Variants in ACOT11 observed in about 807,000 individuals in gnomAD.
ACOT11 encodes acyl-CoA thioesterase 11.
A neutral mutation model predicts 77.5 loss-of-function variants in ACOT11; 69 were observed. The observed-to-expected ratio is 0.89, with a 90% CI of 0.73 to 1.09. ACOT11 has a LOEUF of 1.09. Among genes scored for constraint, ACOT11 ranks in the 50% least tolerant of loss-of-function variants. ACOT11 has a pLI of 0.00. For missense variants in ACOT11, 766 were observed against 813.7 expected (o/e 0.94, Z 0.71); for synonymous variants, 279 against 313.0 (o/e 0.89, Z 1.15).
intron 1 of ACOT11, among the ~76,000 whole-genome samples, chr1:54,563,998 G>A (rs577959585): frequency 4.6e-4 from 70 of 151,840 alleles, no homozygotes; most frequent in African/African-American, 1.5e-3. Flanking sequence ...CCCAGAAGGC[G>A]GAGGTTGCAG....
chr1:54,606,658 G>A (rs1644029707), intron 13 of ACOT11, among the ~76,000 whole-genome samples: 1 of 152,226 alleles, frequency 6.6e-6, no homozygotes, highest in Non-Finnish European at 1.5e-5. Context: ...GCATGGGGCT[G>A]TTATGGAGAT....
chr1:54,615,567 G>A (rs550060628), intron 15 of ACOT11, among the ~76,000 whole-genome samples: 96 of 152,216 alleles, frequency 6.3e-4, no homozygotes, highest in Admixed American at 1.2e-3. Context: ...GACTAGATGG[G>A]GGCAGGGTTA....
Position 54,585,694 on chromosome 1 carries a change from A to T in ACOT11, c.242-141A>T, listed in dbSNP as rs960242230. The T allele has an allele frequency of 1.8e-5, 13 of 726,434 alleles. No individual in the cohort carries two copies. The Admixed American group carries it at 2.0e-4, about 11-fold the overall frequency. The allele number at this position is 726,434 out of a possible 1,614,324, so 45.0% of individuals were successfully genotyped here. ...GGTGGTGCCCACGGTGAGGGGTGTA[A>T]GGAATGGTGGCAGCAGGGTGTGGTG... On this transcript the variant is annotated intron_variant, in intron 2 of 15. Transcript: ENST00000343744.
intron 6 of ACOT11, among the ~76,000 whole-genome samples, chr1:54,596,953 A>G (rs527689255): frequency 3.9e-5 from 6 of 152,322 alleles, no homozygotes; most frequent in South Asian, 4.2e-4. Flanking sequence ...GCCTGCCTTT[A>G]CAGATGAGGC....
intron 1 of ACOT11, among the ~76,000 whole-genome samples, chr1:54,577,301 C>A (rs926079130): frequency 3.9e-5 from 6 of 152,160 alleles, no homozygotes; most frequent in African/African-American, 1.2e-4. Context: ...TAGTTTTTCC[C>A]CATTCCCTCT....
intron 1 of ACOT11, among the ~76,000 whole-genome samples, chr1:54,579,141 C>T (rs1654213214): frequency 6.6e-6 from 1 of 152,198 alleles, no homozygotes; most frequent in Non-Finnish European, 1.5e-5. Flanking sequence ...GAGGAACAGC[C>T]TCCTGGTATC....
chr1:54,593,037 A>G (rs1654767512), intron 4 of ACOT11, among the ~76,000 whole-genome samples: 1 of 152,174 alleles, frequency 6.6e-6, no homozygotes, highest in African/African-American at 2.4e-5. Flanking sequence ...CCTCATCTGC[A>G]AAAGGGAACA....
chr1:54,593,900 ATGT>A (rs1654802445), intron 4 of ACOT11, 38 bp from the exon 5 acceptor site: 1 of 1,564,836 alleles, frequency 6.4e-7, no homozygotes, highest in East Asian at 2.2e-5. Flanking sequence ...GGTGAGTGCA[ATGT>A]TGTTCCTCAT....
intron 1 of ACOT11, among the ~76,000 whole-genome samples, chr1:54,554,408 G>C (rs192052857): frequency 1.4e-5 from 2 of 142,038 alleles, no homozygotes; most frequent in Non-Finnish European, 3.0e-5. Context: ...CTGGAATACA[G>C]TGGTGCAATT....
intron 3 of ACOT11, among the ~76,000 whole-genome samples, chr1:54,588,824 G>A (rs1654597270): frequency 6.6e-6 from 1 of 152,130 alleles, no homozygotes; most frequent in African/African-American, 2.4e-5. Flanking sequence ...GGGCAGAGGA[G>A]GCTGTGGTTG....
intron 13 of ACOT11, among the ~76,000 whole-genome samples, chr1:54,606,392 G>T (rs1303956690): frequency 6.6e-6 from 1 of 152,224 alleles, no homozygotes; most frequent in Non-Finnish European, 1.5e-5. Context: ...GCTGAGTGCA[G>T]GCAGGGGAGT....
rs558626066 is a variant in ACOT11, at chr1:54,607,066, G to A, written c.1371-68G>A. 372 of 1,601,082 alleles carry A rather than the reference G, an allele frequency of 2.3e-4. 3 individuals are homozygous for A. The African/African-American group carries it at 3.6e-3, about 15-fold the overall frequency. On this transcript the variant is annotated intron_variant, in intron 13 of 15. Coordinates refer to ENST00000343744, the MANE Select transcript of ACOT11 (RefSeq NM_147161.4). The surrounding 1 kb of genome is among the most constrained non-coding windows in gnomAD (Gnocchi z 4.5). ...CAGGCACTGCAGTGTGGCAGGGCCC[G>A]GGCAGACCCGCTGCTTGCATGGGAG...
intron 15 of ACOT11, among the ~76,000 whole-genome samples, chr1:54,617,292 C>T (rs565565315): frequency 6.6e-6 from 1 of 152,160 alleles, no homozygotes; most frequent in African/African-American, 2.4e-5. Context: ...CCGCTTTTGG[C>T]CCTTGCAGCA....
At chr1:54,583,546 C>G (rs917956291) in intron 1 of ACOT11, among the ~76,000 whole-genome samples, 17 of 152,244 alleles carry the variant, frequency 1.1e-4, no homozygotes, top group African/African-American at 4.1e-4. Context: ...CCCCAGGAGG[C>G]CCTGCAAGCA....
chr1:54,599,276 C>T lies in ACOT11; in HGVS notation c.765-20C>T. The T allele has an allele frequency of 1.3e-6, 2 of 1,509,826 alleles. No homozygotes were observed. The highest frequency in any genetic ancestry group is 1.3e-5 in the South Asian group (1 of 76,106). The allele number at this position is 1,509,826 out of a possible 1,614,324, so 93.5% of individuals were successfully genotyped here. A position where few individuals can be genotyped will look rare whatever the true frequency, so the allele number is the denominator to read the frequency against. On this transcript the variant is annotated intron_variant, in intron 7 of 15. Coordinates refer to ENST00000343744, the MANE Select transcript of ACOT11 (RefSeq NM_147161.4). The stretch of plus-strand genomic sequence containing the variant: ...AGCACCAGGGGCATTCCTTCTGTCT[C>T]CCCACCCCTGCCTCCTCAGCCGGCT...
At chr1:54,596,424 G>T (rs1034442284) in intron 6 of ACOT11, among the ~76,000 whole-genome samples, 3 of 152,200 alleles carry the variant, frequency 2.0e-5, no homozygotes, top group African/African-American at 7.2e-5. Flanking sequence ...AGCATCTGCT[G>T]CCCTGAAGCC....
intron 15 of ACOT11, among the ~76,000 whole-genome samples, chr1:54,626,123 A>G (rs907516672): frequency 3.3e-5 from 5 of 151,814 alleles, no homozygotes; most frequent in Non-Finnish European, 7.4e-5. Flanking sequence ...AGCTGGGCAT[A>G]GTGGCACGAG....
chr1:54,626,831 A>T (rs1463427552), intron 15 of ACOT11, among the ~76,000 whole-genome samples: 1 of 134,144 alleles, frequency 7.5e-6, no homozygotes, highest in Non-Finnish European at 1.7e-5. Flanking sequence ...AGTGTTTGTG[A>T]CACTCTTATG....
intron 15 of ACOT11, chr1:54,616,236 A>G: frequency 7.1e-7 from 1 of 1,405,252 alleles, no homozygotes; most frequent in African/African-American, 1.4e-5. Context: ...CTTTCTCATC[A>G]TAAAAGCATT....
Sources: allele counts gnomAD v4.1 joint callset (sites outside exome capture counted in the v4.1 genomes callset), GRCh38; gene constraint gnomAD v4.1.1; non-coding constraint Gnocchi (gnomAD v3.1); transcripts MANE v1.5; gene names NCBI Gene and HGNC (gene_info 2026-07-23, HGNC 2026-07-21).